DYNC2I2: variants seen among roughly 807,000 people sequenced by gnomAD.
The protein encoded by DYNC2I2 is cytoplasmic dynein 2 intermediate chain 2.
Under a neutral mutation model 52.0 loss-of-function variants are expected in DYNC2I2, and 39 were observed. That is an observed-to-expected ratio of 0.75 (90% confidence interval 0.58 to 0.98). DYNC2I2 has a LOEUF of 0.98. Among genes scored for constraint, DYNC2I2 ranks in the 50% least tolerant of loss-of-function variants. The pLI is 0.00. For missense variants in DYNC2I2, 743 were observed against 728.4 expected (o/e 1.02, Z -0.23); for synonymous variants, 359 against 321.1 (o/e 1.12, Z -1.26).
chr9:128,636,268 G>A lies in DYNC2I2; in HGVS notation c.703+13C>T, dbSNP rs570590676. ...CCTGAGAGGAGAGGAGGCGGACACA[G>A]CAGGCAGCTCACCTGCGACGTGGGA... is the stretch of plus-strand genomic sequence containing the variant. On this transcript the variant is annotated intron_variant, in intron 4 of 8. Coordinates refer to ENST00000372715, the MANE Select transcript of DYNC2I2 (RefSeq NM_052844.4). The A allele has an allele frequency of 2.6e-6, 4 of 1,558,468 alleles. No individual in the cohort carries two copies. Among genetic ancestry groups the A allele is most frequent in the East Asian group, 2.4e-5 (1 of 41,568 alleles).
At chr9:128,654,369 C>T (rs1320563287) in intron 1 of DYNC2I2, among the ~76,000 whole-genome samples, 1 of 152,172 alleles carries the variant, frequency 6.6e-6, no homozygotes, top group Non-Finnish European at 1.5e-5. Context: ...GTGTGCAGCA[C>T]CCAATGCTGC....
chr9:128,684,415 C>T, the DYNC2I2 span, among the ~76,000 whole-genome samples: 2 of 152,138 alleles, frequency 1.3e-5, no homozygotes, highest in Non-Finnish European at 2.9e-5. Context: ...TTGCTGCCGA[C>T]GGCGGCCCAC....
At chr9:128,670,631 G>T in the DYNC2I2 span, among the ~76,000 whole-genome samples, 1 of 151,932 alleles carries the variant, frequency 6.6e-6, no homozygotes, top group Non-Finnish European at 1.5e-5. Flanking sequence ...AGCTATTCGG[G>T]AAGCTGAAGC....
the DYNC2I2 span, among the ~76,000 whole-genome samples, chr9:128,684,347 C>T: frequency 3.3e-5 from 5 of 152,142 alleles, no homozygotes; most frequent in Admixed American, 1.3e-4. Flanking sequence ...GCCAAATCCC[C>T]GATTCCTGGT....
chr9:128,636,457 G>C lies in DYNC2I2; in HGVS notation c.546-19C>G, dbSNP rs747863371. The stretch of plus-strand genomic sequence containing the variant: ...GTCCAGCCTGTGCAGGGACAGGCTT[G>C]AGCCGGCTGTGCCCCTGGGTGGGGC... On this transcript the variant is annotated intron_variant, in intron 3 of 8. Coordinates refer to ENST00000372715, the MANE Select transcript of DYNC2I2 (RefSeq NM_052844.4). 4.4e-6 allele frequency: 7 copies of C among 1,587,684 alleles called. No individual in the cohort carries two copies. Among genetic ancestry groups the C allele is most frequent in the Non-Finnish European group, 6.0e-6 (7 of 1,172,104 alleles).
Position 128,635,673 on chromosome 9 carries a change from T to G in DYNC2I2, c.798A>C (p.Thr266=). 6.2e-7 allele frequency: 1 copy of G among 1,608,668 alleles called. No homozygotes were observed. Among genetic ancestry groups the G allele is most frequent in the South Asian group, 1.1e-5 (1 of 90,004 alleles). ...CTGCCCTGACCTGGGACACAGGGTC[T>G]GTGTGGGTGTCATCCGTCAGGCCTG... is the stretch of plus-strand genomic sequence containing the variant. ...WRTGLTDDTH[T]DPVSQVVWLP... The change falls in exon 5 of 9, where the codon ACA becomes ACC. Residue 266 remains threonine (T), a synonymous_variant. Coordinates refer to ENST00000372715, the MANE Select transcript of DYNC2I2 (RefSeq NM_052844.4).
chr9:128,663,236 G>C, the DYNC2I2 span: 1 of 152,062 alleles, frequency 6.6e-6, no homozygotes, highest in Non-Finnish European at 1.5e-5. Flanking sequence ...ACAAACAATG[G>C]CCACCCCCTC....
rs1860828116 is a variant in DYNC2I2, at chr9:128,656,533, G to A, written c.186+8C>T. The A allele has an allele frequency of 3.7e-6, 5 of 1,356,902 alleles. No individual in the cohort carries two copies. Among genetic ancestry groups the A allele is most frequent in the South Asian group, 1.7e-5 (1 of 57,492 alleles). 84.1% of individuals were successfully genotyped at this position (1,356,902 alleles called of 1,614,324 possible). A position where few individuals can be genotyped will look rare whatever the true frequency, so the allele number is the denominator to read the frequency against. ...CCGCGTCGCTCCGCGCGGGGCCCGCGCCCTCACCGTCTCCCAGCGGATGCC... is the reference window on the plus strand; with the variant it reads ...CCGCGTCGCTCCGCGCGGGGCCCGCACCCTCACCGTCTCCCAGCGGATGCC... On this transcript the variant is annotated splice_region_variant and intron_variant, in intron 1 of 8. Coordinates refer to ENST00000372715, the MANE Select transcript of DYNC2I2 (RefSeq NM_052844.4).
chr9:128,637,352 C>A (rs535702496), intron 2 of DYNC2I2, among the ~76,000 whole-genome samples: 1 of 152,366 alleles, frequency 6.6e-6, no homozygotes, highest in South Asian at 2.1e-4. Flanking sequence ...CATAAAAGTG[C>A]CCAACGCGGC....
At chr9:128,659,510 A>C (rs112430163), upstream of DYNC2I2, among the ~76,000 whole-genome samples, 929 of 150,848 alleles carry the variant, frequency 6.2e-3, 7 homozygotes, top group African/African-American at 0.021. Flanking sequence ...AAAAAAAAAA[A>C]ACACACACAC....
At chr9:128,635,281 C>T (rs1181451327) in intron 5 of DYNC2I2, 22 bp from the exon 6 acceptor site, 16 of 1,609,878 alleles carry the variant, frequency 9.9e-6, no homozygotes, top group Non-Finnish European at 1.4e-5. Context: ...GCATGCAGGG[C>T]CAGGATGGAG....
chr9:128,657,439 A>T (rs957244868), upstream of DYNC2I2, among the ~76,000 whole-genome samples: 2 of 152,094 alleles, frequency 1.3e-5, no homozygotes, highest in African/African-American at 4.8e-5. Context: ...TCGTTCTGCC[A>T]TTCCGCGCGC....
At chr9:128,660,617 G>A (rs10988074), upstream of DYNC2I2, among the ~76,000 whole-genome samples, 92 of 152,052 alleles carry the variant, frequency 6.1e-4, no homozygotes, top group South Asian at 1.9e-3. Flanking sequence ...GGATGGTCTC[G>A]AGTTCCTGAC....
the DYNC2I2 span, among the ~76,000 whole-genome samples, chr9:128,677,731 C>T: frequency 6.6e-6 from 1 of 152,030 alleles, no homozygotes. Context: ...CGGTTGAACC[C>T]AGGAGGCAGA....
the DYNC2I2 span, among the ~76,000 whole-genome samples, chr9:128,670,333 G>C: frequency 1.3e-4 from 19 of 151,660 alleles, no homozygotes; most frequent in Admixed American, 1.3e-3. Context: ...CCAGCTACTC[G>C]GGAGGCTAAG....
chr9:128,659,501 A>G (rs1860893655), upstream of DYNC2I2, among the ~76,000 whole-genome samples: 1 of 151,372 alleles, frequency 6.6e-6, no homozygotes, highest in Admixed American at 6.6e-5. Flanking sequence ...TCTCAAAAAA[A>G]AAAAAAAAAA....
At position 128,634,941 on chromosome 9, in the gene DYNC2I2, G is replaced by T. The variant is rs377054600; in HGVS notation, c.982-20C>A. 86 of 1,610,030 alleles carry T rather than the reference G, an allele frequency of 5.3e-5. No individual in the cohort carries two copies. Among genetic ancestry groups the T allele is most frequent in the Non-Finnish European group, 6.5e-5 (77 of 1,178,654 alleles). On this transcript the variant is annotated intron_variant, in intron 6 of 8. Transcript: ENST00000372715. ...GGGATGCTGTGGAGAAATGGCAGCAGCAGGGTCAGAGCCAAGGGCATCAGA... is the reference window on the plus strand; with the variant it reads ...GGGATGCTGTGGAGAAATGGCAGCATCAGGGTCAGAGCCAAGGGCATCAGA...
the DYNC2I2 span, among the ~76,000 whole-genome samples, chr9:128,675,906 T>C: frequency 1.3e-5 from 2 of 152,052 alleles, no homozygotes; most frequent in African/African-American, 2.4e-5. Flanking sequence ...AAAGGAAAGG[T>C]GGGCCAGGTC....
chr9:128,634,246 A>G lies in DYNC2I2; in HGVS notation c.1352T>C (p.Phe451Ser), dbSNP rs772145735. ...CCTACCTTTCCCAGAGGCAGCTGCA[A>G]AAACCAAGGGCCGCACTGGGGACCA... ...VRWSPVRPLV[F>S]AAASGKGDVQ... Residue 451 changes from phenylalanine to serine, a missense_variant, in exon 8 of 9, where the codon TTT becomes TCT. By Grantham distance (155) the Phe-to-Ser change is radical (BLOSUM62 -2). Coordinates refer to ENST00000372715, the MANE Select transcript of DYNC2I2 (RefSeq NM_052844.4). The G allele has an allele frequency of 6.2e-7, 1 of 1,613,742 alleles. No homozygotes were observed. Among genetic ancestry groups the G allele is most frequent in the East Asian group, 2.2e-5 (1 of 44,892 alleles).
Sources: gnomAD v4.1 joint callset for allele counts (sites outside exome capture counted in the v4.1 genomes callset) on GRCh38, gnomAD v4.1.1 for gene constraint, MANE v1.5 for transcripts, NCBI Gene and HGNC (gene_info 2026-07-23, HGNC 2026-07-21) for gene names.